Variants in HCN3 observed in about 807,000 individuals in gnomAD.
HCN3 encodes the protein potassium/sodium hyperpolarization-activated cyclic nucleotide-gated channel 3.
Under a neutral mutation model 56.8 loss-of-function variants are expected in HCN3, and 36 were observed. The ratio of observed to expected loss-of-function variants is 0.63; its 90% CI spans 0.49 to 0.84. The LOEUF (loss-of-function observed/expected upper bound fraction) is 0.84. Ranked by LOEUF, HCN3 falls within the 40% of genes least tolerant of loss-of-function variation. The pLI is 0.00. For synonymous variants in HCN3, 425 were observed against 439.7 expected (o/e 0.97, Z 0.42); for missense variants, 930 against 1,079.3 (o/e 0.86, Z 1.94).
At position 155,284,446 on chromosome 1, in the gene HCN3, G is replaced by A; in HGVS notation, c.871-93G>A. On this transcript the variant is annotated intron_variant, in intron 3 of 7. Coordinates refer to ENST00000368358, the MANE Select transcript of HCN3 (RefSeq NM_020897.3). The surrounding 1 kb of genome is among the most constrained non-coding windows in gnomAD (Gnocchi z 4.3). The stretch of plus-strand genomic sequence containing the variant: ...AGGAGGAAGGCCTGCAGTAGAAGGG[G>A]CAGACAGAAAGACCAAAGAAGGAAA... 1 of 1,334,496 alleles carries A rather than the reference G, an allele frequency of 7.5e-7. No homozygotes were observed. Among genetic ancestry groups the A allele is most frequent in the Non-Finnish European group, 1.0e-6 (1 of 977,982 alleles). 82.7% of individuals were successfully genotyped at this position (1,334,496 alleles called of 1,614,324 possible).
At chr1:155,279,625 G>A (rs1261856496) in intron 1 of HCN3, among the ~76,000 whole-genome samples, 2 of 152,212 alleles carry the variant, frequency 1.3e-5, no homozygotes, top group Non-Finnish European at 2.9e-5. Flanking sequence ...TGGAGAAGAG[G>A]AATGGGGTGG....
In HCN3 at chr1:155,287,928, G is replaced by T; in HGVS notation, c.1790G>T (p.Ser597Ile). ...GCCCCGAGCACAGGAGCTCAGCTTA[G>T]TGGAAAGCCAGTACTGTGGGAGCCA... ...GRAPSTGAQL[S>I]GKPVLWEPLV... The change falls in exon 8 of 8, where the codon AGT becomes ATT. Residue 597 changes from serine (S) to isoleucine (I), a missense_variant. Ser to Ile is a moderately radical substitution (Grantham distance 142, BLOSUM62 -2). Coordinates refer to ENST00000368358, the MANE Select transcript of HCN3 (RefSeq NM_020897.3). 6.2e-7 allele frequency: 1 copy of T among 1,614,042 alleles called. No individual in the cohort carries two copies. The highest frequency in any genetic ancestry group is 2.2e-5 in the East Asian group (1 of 44,868).
chr1:155,278,261 G>T, intron 1 of HCN3: 2 of 239,132 alleles, frequency 8.4e-6, no homozygotes, highest in South Asian at 6.6e-5. Flanking sequence ...GTCTGAGGGA[G>T]AAGCCGAGCT....
intron 2 of HCN3, among the ~76,000 whole-genome samples, chr1:155,283,391 A>G (rs1381028093): frequency 6.6e-6 from 1 of 151,690 alleles, no homozygotes; most frequent in Non-Finnish European, 1.5e-5. Flanking sequence ...TGAAGCCACT[A>G]TTATATATTA....
At chr1:155,281,423 C>T (rs1674045252) in intron 1 of HCN3, among the ~76,000 whole-genome samples, 1 of 150,826 alleles carries the variant, frequency 6.6e-6, no homozygotes, top group Non-Finnish European at 1.5e-5. Flanking sequence ...GGTTGGAGAG[C>T]AGTGGTGCGA....
In HCN3 at chr1:155,285,090, C is replaced by T; in HGVS notation, c.1090-75C>T. Reference sequence around the variant, plus strand: ...TTTGACCTGTGTCTCTGACCTTCCGCACACACACCCCACTGTGCCGGCCCC... The same window carrying T: ...TTTGACCTGTGTCTCTGACCTTCCGTACACACACCCCACTGTGCCGGCCCC... On this transcript the variant is annotated intron_variant, in intron 4 of 7. Transcript: ENST00000368358. This position sits in a 1 kb window ranked among gnomAD's most constrained non-coding sequence, Gnocchi z 4.5. The T allele has an allele frequency of 6.4e-7, 1 of 1,551,264 alleles. No individual in the cohort carries two copies. Among genetic ancestry groups the T allele is most frequent in the Non-Finnish European group, 8.8e-7 (1 of 1,138,754 alleles).
rs776503763 is a variant in HCN3, at chr1:155,288,398, C to T, written c.2260C>T (p.Pro754Ser). ...LLAKPPRTAQ[P>S]PRPPVPEPAT... Reference sequence around the variant, plus strand: ...GGCCAAACCTCCAAGGACAGCCCAGCCCCCCAGGCCACCAGTGCCTGAGCC... The same window carrying T: ...GGCCAAACCTCCAAGGACAGCCCAGTCCCCCAGGCCACCAGTGCCTGAGCC... The change falls in exon 8 of 8, where the codon CCC becomes TCC. Residue 754 changes from proline (P) to serine (S), a missense_variant. Transcript: ENST00000368358. The surrounding 1 kb of genome is among the most constrained non-coding windows in gnomAD (Gnocchi z 6.5). The T allele has an allele frequency of 4.8e-5, 78 of 1,613,126 alleles. No homozygotes were observed. The highest frequency in any genetic ancestry group is 6.4e-5 in the Non-Finnish European group (75 of 1,179,666).
At chr1:155,277,892 G>A in intron 1 of HCN3, 24 bp downstream of exon 1, 1 of 1,608,564 alleles carries the variant, frequency 6.2e-7, no homozygotes, top group African/African-American at 1.3e-5. Context: ...GGCGGGGAGG[G>A]CAGGGTACAT....
At position 155,282,347 on chromosome 1, in the gene HCN3, C is replaced by A. The variant is rs1365510980; in HGVS notation, c.279-64C>A. 1.3e-6 allele frequency: 2 copies of A among 1,486,988 alleles called. No homozygotes were observed. The highest frequency in any genetic ancestry group is 4.5e-5 in the East Asian group (2 of 44,026). The allele number at this position is 1,486,988 out of a possible 1,614,324, so 92.1% of individuals were successfully genotyped here. A position where few individuals can be genotyped will look rare whatever the true frequency, so the allele number is the denominator to read the frequency against. ...ATTCTTGGCCATGTCAGCCTATCTT[C>A]TGTCAGTCTAGTGGCTGGTGAAATA... On this transcript the variant is annotated intron_variant, in intron 1 of 7. Coordinates refer to ENST00000368358, the MANE Select transcript of HCN3 (RefSeq NM_020897.3). The surrounding 1 kb of genome is among the most constrained non-coding windows in gnomAD (Gnocchi z 4.7).
Position 155,287,755 on chromosome 1 carries a change from C to A in HCN3, c.1643-26C>A, listed in dbSNP as rs559068695. The stretch of plus-strand genomic sequence containing the variant: ...TCTTGGATTCCTTCCCTATCCTTAA[C>A]TTCTCCCTCCCGGTACAACTTCTAG... On this transcript the variant is annotated intron_variant, in intron 7 of 7. Transcript: ENST00000368358. 4.5e-6 allele frequency: 7 copies of A among 1,547,282 alleles called. 1 individual carries two copies. In the South Asian group the frequency reaches 5.0e-5, roughly 11 times the overall value.
intron 6 of HCN3, 109 bp from the exon 7 acceptor site, chr1:155,287,064 C>G: frequency 7.7e-7 from 1 of 1,290,814 alleles, no homozygotes; most frequent in Non-Finnish European, 1.1e-6. Context: ...AATGGTTTCT[C>G]CCAAGTCTAG....
rs1557946276 is a variant in HCN3, at chr1:155,282,310, G to GA, written c.279-101_279-100insA. The stretch of plus-strand genomic sequence containing the variant: ...CTGTAAACAGTCATTCTGTTATTGT[G>GA]TATCTTTGCCCATTCTTGGCCATGT... On this transcript the variant is annotated intron_variant, in intron 1 of 7. Coordinates refer to ENST00000368358, the MANE Select transcript of HCN3 (RefSeq NM_020897.3). The surrounding 1 kb of genome is among the most constrained non-coding windows in gnomAD (Gnocchi z 4.7). 1.7e-4 allele frequency: 182 copies of GA among 1,097,012 alleles called. No individual in the cohort carries two copies. The highest frequency in any genetic ancestry group is 2.3e-4 in the Non-Finnish European group (168 of 738,318). The allele number at this position is 1,097,012 out of a possible 1,614,324, so 68.0% of individuals were successfully genotyped here.
At position 155,285,358 on chromosome 1, in the gene HCN3, G is replaced by A. The variant is rs772270936; in HGVS notation, c.1236+47G>A. ...AAGGGGGGCTCTTCAGGGACCTGGA[G>A]TGCTGTCTGGTGGTAGGGGCTATTG... On this transcript the variant is annotated intron_variant, in intron 5 of 7. Transcript: ENST00000368358. The surrounding 1 kb of genome is among the most constrained non-coding windows in gnomAD (Gnocchi z 4.5). 1.2e-6 allele frequency: 2 copies of A among 1,603,358 alleles called. No individual in the cohort carries two copies. Among genetic ancestry groups the A allele is most frequent in the South Asian group, 1.1e-5 (1 of 89,428 alleles).
intron 1 of HCN3, among the ~76,000 whole-genome samples, 194 bp downstream of exon 1, chr1:155,278,062 G>T (rs1673881093): frequency 6.6e-6 from 1 of 152,094 alleles, no homozygotes; most frequent in Non-Finnish European, 1.5e-5. Flanking sequence ...GAGGTCCTCC[G>T]TGCCTGGACA....
In HCN3 at chr1:155,285,649, T is replaced by C; in HGVS notation, c.1237-75T>C. 3 of 1,575,788 alleles carry C rather than the reference T, an allele frequency of 1.9e-6. No individual in the cohort carries two copies. Among genetic ancestry groups the C allele is most frequent in the Non-Finnish European group, 2.6e-6 (3 of 1,158,504 alleles). On this transcript the variant is annotated intron_variant, in intron 5 of 7. Coordinates refer to ENST00000368358, the MANE Select transcript of HCN3 (RefSeq NM_020897.3). This position sits in a 1 kb window ranked among gnomAD's most constrained non-coding sequence, Gnocchi z 4.5. ...AACATGACCCCAGGGGTGGGGTTTC[T>C]GGAAGCGGATGAGCTCGGTGGGATC...
chr1:155,284,368 A>G lies in HCN3; in HGVS notation c.871-171A>G, dbSNP rs912614183. On this transcript the variant is annotated intron_variant, in intron 3 of 7. Transcript: ENST00000368358. This position sits in a 1 kb window ranked among gnomAD's most constrained non-coding sequence, Gnocchi z 4.3. ...CGGAAGCTGAGGCCCCCAAGTTGCA[A>G]TAGAGGACCCTTTTGCCTCAGGGCC... 2.3e-6 allele frequency: 2 copies of G among 859,732 alleles called. No homozygotes were observed. Among genetic ancestry groups the G allele is most frequent in the East Asian group, 2.7e-5 (1 of 37,358 alleles). 53.3% of individuals were successfully genotyped at this position (859,732 alleles called of 1,614,324 possible).
At chr1:155,283,909 G>A (rs1572038904) in intron 2 of HCN3, 65 bp from the exon 3 acceptor site, 3 of 1,551,418 alleles carry the variant, frequency 1.9e-6, no homozygotes, top group Non-Finnish European at 2.6e-6. Flanking sequence ...TTGCCAGGCT[G>A]GGAATGGAGG....
intron 1 of HCN3, among the ~76,000 whole-genome samples, chr1:155,281,206 G>T (rs1447160902): frequency 1.3e-5 from 2 of 151,724 alleles, no homozygotes; most frequent in Non-Finnish European, 2.9e-5. Context: ...GAGTAGCTGG[G>T]ACTACAGGTG....
chr1:155,287,080 A>T (rs150711836), intron 6 of HCN3, 93 bp from the exon 7 acceptor site: 1 of 1,425,346 alleles, frequency 7.0e-7, no homozygotes, highest in Non-Finnish European at 9.6e-7. Context: ...TCTAGGGAGG[A>T]GCCTTAGAAA....
Sources: allele counts gnomAD v4.1 joint callset (sites outside exome capture counted in the v4.1 genomes callset), GRCh38; gene constraint gnomAD v4.1.1; non-coding constraint Gnocchi (gnomAD v3.1); transcripts MANE v1.5; gene names NCBI Gene and HGNC (gene_info 2026-07-23, HGNC 2026-07-21).